ZRANB3: variants seen among roughly 807,000 people sequenced by gnomAD.
ZRANB3 encodes the protein zinc finger RANBP2-type containing 3.
ZRANB3 carries 125 observed loss-of-function variants against 133.8 expected under a neutral mutation model. The observed-to-expected ratio is 0.93, with a 90% CI of 0.81 to 1.08. ZRANB3 has a LOEUF of 1.08. Ranked by LOEUF, ZRANB3 falls within the 50% of genes least tolerant of loss-of-function variation. The pLI is 0.00. For missense variants in ZRANB3, 1,229 were observed against 1,275.5 expected, an observed-to-expected ratio of 0.96 and a Z score of 0.56; for synonymous variants, 387 against 432.7, an observed-to-expected ratio of 0.89 and a Z score of 1.31.
At chr2:135,340,205 T>A (rs1573938814) in intron 6 of ZRANB3, among the ~76,000 whole-genome samples, 1 of 151,068 alleles carries the variant, frequency 6.6e-6, no homozygotes, top group South Asian at 2.1e-4. Flanking sequence ...TCCTCAGTTC[T>A]AGTGATTCTC....
In ZRANB3 at chr2:135,519,880, A is replaced by C. The variant is rs538300137; in HGVS notation, c.-8+11247T>G. Among the ~76,000 whole-genome samples the C allele has an allele frequency of 8.0e-4, 122 of 152,274 alleles. 1 individual carries two copies. The highest frequency in any genetic ancestry group is 2.6e-3 in the African/African-American group (108 of 41,550). Reference sequence around the variant, plus strand: ...GTTTGGAAGGCTTCTAAATATACATACATCAAAGTTCATACTTCAACAACA... The same window carrying C: ...GTTTGGAAGGCTTCTAAATATACATCCATCAAAGTTCATACTTCAACAACA... On this transcript the variant is annotated intron_variant, in intron 1 of 20. Transcript: ENST00000264159.
Position 135,512,489 on chromosome 2 carries a change from T to A in ZRANB3, c.-7-7993A>T, listed in dbSNP as rs529541914. 2.2e-3 allele frequency among the ~76,000 whole-genome samples: 327 copies of A among 151,920 alleles called. 1 individual carries two copies. The highest frequency in any genetic ancestry group is 7.4e-3 in the African/African-American group (305 of 41,488). On this transcript the variant is annotated intron_variant, in intron 1 of 20. Coordinates refer to ENST00000264159, the MANE Select transcript of ZRANB3 (RefSeq NM_032143.4). ...TGAAATTTACTGCAGAATAAAGAATTAGTAAATTAGAAAAGATATTAAATG... is the reference window on the plus strand; with the variant it reads ...TGAAATTTACTGCAGAATAAAGAATAAGTAAATTAGAAAAGATATTAAATG...
At chr2:135,523,917 G>T (rs1694045026) in intron 1 of ZRANB3, among the ~76,000 whole-genome samples, 1 of 152,194 alleles carries the variant, frequency 6.6e-6, no homozygotes, top group Non-Finnish European at 1.5e-5. Flanking sequence ...ACTTGGAGAA[G>T]GCTGTGAAGT....
Position 135,271,193 on chromosome 2 carries a change from G to T in ZRANB3, c.1206+575C>A, listed in dbSNP as rs113573878. Reference sequence around the variant, plus strand: ...AAAGCAGAAAGCGAGAAGGGGTATAGGTCCTAAGGACTTTGTGCAAACATC... The same window carrying T: ...AAAGCAGAAAGCGAGAAGGGGTATATGTCCTAAGGACTTTGTGCAAACATC... On this transcript the variant is annotated intron_variant, in intron 10 of 20. Transcript: ENST00000264159. 2,014 of 376,986 alleles carry T rather than the reference G, an allele frequency of 5.3e-3. 40 individuals are homozygous for T. The highest frequency in any genetic ancestry group is 0.04 in the African/African-American group (1,887 of 47,376). 23.4% of individuals were successfully genotyped at this position (376,986 alleles called of 1,614,324 possible).
chr2:135,360,368 T>G (rs1247291505), intron 3 of ZRANB3, among the ~76,000 whole-genome samples: 1 of 145,986 alleles, frequency 6.8e-6, no homozygotes, highest in African/African-American at 2.6e-5. Context: ...GCGACAAGAG[T>G]GAAACTCCAC....
chr2:135,459,854 T>A (rs1574137348), intron 2 of ZRANB3, among the ~76,000 whole-genome samples: 1 of 152,088 alleles, frequency 6.6e-6, no homozygotes, highest in African/African-American at 2.4e-5. Flanking sequence ...GCCAAAAGAT[T>A]AAAAAAATAA....
chr2:135,390,468 A>C (rs1254944842), intron 3 of ZRANB3, among the ~76,000 whole-genome samples: 3 of 152,162 alleles, frequency 2.0e-5, no homozygotes, highest in African/African-American at 2.4e-5. Flanking sequence ...AGAATCTTTA[A>C]AGTTTAGCTT....
intron 8 of ZRANB3, among the ~76,000 whole-genome samples, chr2:135,281,849 G>C (rs190925615): frequency 4.6e-5 from 7 of 152,220 alleles, no homozygotes; most frequent in African/African-American, 1.4e-4. Flanking sequence ...TTACCTCTCA[G>C]CTGTCACACC....
chr2:135,378,757 A>G lies in ZRANB3; in HGVS notation c.180+12045T>C, dbSNP rs183395381. ...TCTATGGTCTTCCCCCAAAAAACAT[A>G]TTCCCCAAGTATAACCACAAGGAAA... On this transcript the variant is annotated intron_variant, in intron 3 of 20. Transcript: ENST00000264159. 9.2e-5 allele frequency among the ~76,000 whole-genome samples: 14 copies of G among 152,316 alleles called. No individual in the cohort carries two copies. The South Asian group carries it at 2.1e-3, about 23-fold the overall frequency.
chr2:135,505,313 C>T (rs1693125560), intron 1 of ZRANB3, among the ~76,000 whole-genome samples: 1 of 152,090 alleles, frequency 6.6e-6, no homozygotes, highest in African/African-American at 2.4e-5. Flanking sequence ...CGGTGGCTCA[C>T]GCCTGTAATC....
chr2:135,401,074 T>A (rs58741231), intron 2 of ZRANB3, among the ~76,000 whole-genome samples: 1 of 152,138 alleles, frequency 6.6e-6, no homozygotes, highest in Non-Finnish European at 1.5e-5. Context: ...CCCATTTACC[T>A]ATATTAAACA....
In ZRANB3 at chr2:135,198,142, AG is replaced by A. The variant is rs936482195; in HGVS notation, c.*2199del. ...GGCATCTGCACTTCCTTCTGCACTC[AG>A]GATCTGCCACTTGCTCTGACACTTT... On this transcript the variant is annotated 3_prime_UTR_variant, in exon 21 of 21. Coordinates refer to ENST00000264159, the MANE Select transcript of ZRANB3 (RefSeq NM_032143.4). 1.3e-5 allele frequency: 2 copies of A among 152,210 alleles called. No individual in the cohort carries two copies. The highest frequency in any genetic ancestry group is 2.4e-5 in the African/African-American group (1 of 41,440). The allele number at this position is 152,210 out of a possible 1,614,324, so 9.4% of individuals were successfully genotyped here.
chr2:135,264,198 C>T (rs886879081), intron 12 of ZRANB3, among the ~76,000 whole-genome samples: 2 of 151,338 alleles, frequency 1.3e-5, no homozygotes, highest in East Asian at 3.9e-4. Flanking sequence ...TCAGGCCGGG[C>T]GCGGTGGCTC....
At chr2:135,416,585 C>T (rs1245629365) in intron 2 of ZRANB3, among the ~76,000 whole-genome samples, 1 of 151,562 alleles carries the variant, frequency 6.6e-6, no homozygotes, top group Non-Finnish European at 1.5e-5. Context: ...CAATGACTTT[C>T]TTCACAGAAT....
At chr2:135,281,555 A>C (rs1290430780) in intron 8 of ZRANB3, among the ~76,000 whole-genome samples, 1 of 152,130 alleles carries the variant, frequency 6.6e-6, no homozygotes, top group Non-Finnish European at 1.5e-5. Context: ...TATAGGCTGC[A>C]CTTGATATCT....
Position 135,218,058 on chromosome 2 carries a change from C to T in ZRANB3, c.2353-451G>A, listed in dbSNP as rs186027606. ...AAACTCCTGGGCCAAAGTGATCCTC[C>T]TGCCTCAGCCCCCAAAGTGTTGGCA... On this transcript the variant is annotated intron_variant, in intron 16 of 20. Transcript: ENST00000264159. Among the ~76,000 whole-genome samples, 297 of 152,260 alleles carry T rather than the reference C, an allele frequency of 2.0e-3. 1 individual carries two copies. Among genetic ancestry groups the T allele is most frequent in the African/African-American group, 6.9e-3 (288 of 41,548 alleles).
chr2:135,445,363 G>C (rs1219499043), intron 2 of ZRANB3, among the ~76,000 whole-genome samples: 3 of 152,020 alleles, frequency 2.0e-5, no homozygotes, highest in Admixed American at 1.3e-4. Flanking sequence ...AGAATCGCTT[G>C]AACTCGGGAG....
At chr2:135,237,271 C>A in intron 12 of ZRANB3, among the ~76,000 whole-genome samples, 1 of 148,808 alleles carries the variant, frequency 6.7e-6, no homozygotes, top group Non-Finnish European at 1.5e-5. Context: ...GAATGGCAAT[C>A]ATTAAAAAGT....
chr2:135,428,991 C>A (rs952788510), intron 2 of ZRANB3, among the ~76,000 whole-genome samples: 2 of 152,114 alleles, frequency 1.3e-5, no homozygotes, highest in Admixed American at 1.3e-4. Flanking sequence ...TCTCAAAGTA[C>A]TTAAAACAGA....
Sources: gnomAD v4.1 joint callset for allele counts (sites outside exome capture counted in the v4.1 genomes callset) on GRCh38, gnomAD v4.1.1 for gene constraint, MANE v1.5 for transcripts, NCBI Gene and HGNC (gene_info 2026-07-23, HGNC 2026-07-21) for gene names.